UMAD1: variants seen among roughly 807,000 people sequenced by gnomAD.
UMAD1 encodes UBAP1-MVB12-associated (UMA) domain containing 1.
A neutral mutation model predicts 6.1 loss-of-function variants in UMAD1; 8 were observed. That is an observed-to-expected ratio of 1.30 (90% confidence interval 0.76 to 2.35). The LOEUF is 2.35. Ranked by LOEUF, UMAD1 falls within the 30% of genes most tolerant of loss-of-function variation. The probability of loss-of-function intolerance (pLI) is 0.00; values close to 1 mark genes in which losing one functional copy is unlikely to be tolerated. For missense variants in UMAD1, 130 were observed against 78.4 expected, an observed-to-expected ratio of 1.66 and a Z score of -2.49; for synonymous variants, 56 against 31.4, an observed-to-expected ratio of 1.78 and a Z score of -2.61.
chr7:7,797,377 G>C (rs987068209), intron 2 of UMAD1, among the ~76,000 whole-genome samples: 1 of 152,160 alleles, frequency 6.6e-6, no homozygotes, highest in African/African-American at 2.4e-5. Context: ...ATACCACTCA[G>C]TGTATTGACT....
At chr7:7,721,253 A>G (rs573170742) in intron 2 of UMAD1, among the ~76,000 whole-genome samples, 111 of 152,332 alleles carry the variant, frequency 7.3e-4, no homozygotes, top group African/African-American at 2.3e-3. Flanking sequence ...CCATTTTGCT[A>G]TGGCAGCTTT....
At chr7:7,853,142 A>G (rs1051189478) in intron 3 of UMAD1, among the ~76,000 whole-genome samples, 14 of 152,184 alleles carry the variant, frequency 9.2e-5, no homozygotes, top group African/African-American at 3.1e-4. Flanking sequence ...GTATATATGT[A>G]TATCATAATA....
At chr7:7,649,687 T>G (rs10253494) in intron 1 of UMAD1, among the ~76,000 whole-genome samples, 53,565 of 133,544 alleles carry the variant, frequency 0.4, 11,967 homozygotes, top group African/African-American at 0.65. Context: ...TTCTTGTTGG[T>G]GGGGGGGCCC....
intron 2 of UMAD1, among the ~76,000 whole-genome samples, chr7:7,743,377 A>G (rs1395175546): frequency 6.6e-6 from 1 of 152,196 alleles, no homozygotes; most frequent in Non-Finnish European, 1.5e-5. Flanking sequence ...ATTAACAAAC[A>G]TCATTTGTCA....
chr7:7,807,975 C>T lies in UMAD1; in HGVS notation c.156+6232C>T, dbSNP rs960736905. ...TTTAGGAGACACGTCACTGAACTATCTAATCATCAAAATGTGATTTTTACT... is the reference window on the plus strand; with the variant it reads ...TTTAGGAGACACGTCACTGAACTATTTAATCATCAAAATGTGATTTTTACT... On this transcript the variant is annotated intron_variant, in intron 3 of 3. Coordinates refer to ENST00000682710, the MANE Select transcript of UMAD1 (RefSeq NM_001302348.2). Among the ~76,000 whole-genome samples the T allele has an allele frequency of 2.0e-5, 3 of 152,016 alleles. No homozygotes were observed. The South Asian group carries it at 6.2e-4, about 31-fold the overall frequency.
At chr7:7,707,112 C>G (rs970953865) in intron 2 of UMAD1, among the ~76,000 whole-genome samples, 3 of 152,030 alleles carry the variant, frequency 2.0e-5, no homozygotes, top group African/African-American at 7.2e-5. Flanking sequence ...ACTACCATTC[C>G]CTGGTTGGTA....
intron 3 of UMAD1, among the ~76,000 whole-genome samples, chr7:7,818,333 A>G (rs898250113): frequency 3.3e-5 from 5 of 152,278 alleles, no homozygotes; most frequent in South Asian, 2.1e-4. Flanking sequence ...TTATGGCTAC[A>G]TAGTATTCCA....
At chr7:7,643,605 G>C (rs976870585) in intron 1 of UMAD1, among the ~76,000 whole-genome samples, 7 of 152,024 alleles carry the variant, frequency 4.6e-5, no homozygotes, top group African/African-American at 1.7e-4. Context: ...CCAGCTACTC[G>C]GGAGGCTGAG....
intron 2 of UMAD1, among the ~76,000 whole-genome samples, chr7:7,750,813 G>T (rs748146154): frequency 5.3e-5 from 8 of 152,190 alleles, no homozygotes; most frequent in Admixed American, 3.3e-4. Flanking sequence ...GCTCTTAACT[G>T]TATGTATTTT....
At chr7:7,761,266 G>A (rs1461944664) in intron 2 of UMAD1, among the ~76,000 whole-genome samples, 1 of 150,002 alleles carries the variant, frequency 6.7e-6, no homozygotes, top group Non-Finnish European at 1.5e-5. Context: ...TCGGGAGGCT[G>A]ATTTAGGAGA....
rs929835852 is a variant in UMAD1, at chr7:7,659,469, G to A, written c.-63-13840G>A. Among the ~76,000 whole-genome samples the A allele has an allele frequency of 3.3e-5, 5 of 152,140 alleles. 1 individual carries two copies. Among genetic ancestry groups the A allele is most frequent in the African/African-American group, 1.2e-4 (5 of 41,420 alleles). On this transcript the variant is annotated intron_variant, in intron 1 of 3. Transcript: ENST00000682710. ...TGCTATAAATTTTCCTCTAAACACTGCTTTAGATGTGTCCCAGGGATTCTG... is the reference window on the plus strand; with the variant it reads ...TGCTATAAATTTTCCTCTAAACACTACTTTAGATGTGTCCCAGGGATTCTG...
At chr7:7,827,551 A>G (rs898700655) in intron 3 of UMAD1, among the ~76,000 whole-genome samples, 18 of 152,212 alleles carry the variant, frequency 1.2e-4, no homozygotes, top group African/African-American at 4.1e-4. Flanking sequence ...TTTTATGCCA[A>G]TATCATATAC....
chr7:7,701,215 A>T (rs1243359027), intron 2 of UMAD1, among the ~76,000 whole-genome samples: 1 of 151,864 alleles, frequency 6.6e-6, no homozygotes, highest in Non-Finnish European at 1.5e-5. Flanking sequence ...TTAAGGAATG[A>T]ACTGTATCAT....
At chr7:7,810,795 A>G (rs1391470904) in intron 3 of UMAD1, among the ~76,000 whole-genome samples, 1 of 152,212 alleles carries the variant, frequency 6.6e-6, no homozygotes, top group Non-Finnish European at 1.5e-5. Context: ...AAATAGTGAA[A>G]CAGTCGGTCT....
intron 2 of UMAD1, among the ~76,000 whole-genome samples, chr7:7,756,691 A>G (rs571710726): frequency 2.0e-5 from 3 of 152,252 alleles, no homozygotes; most frequent in Admixed American, 6.5e-5. Context: ...AAGTTTCTCA[A>G]TCTGTTTCCC....
chr7:7,801,815 T>C, intron 3 of UMAD1, 72 bp downstream of exon 3: 1 of 702,986 alleles, frequency 1.4e-6, no homozygotes, highest in South Asian at 1.6e-5. Context: ...CCTCCGAGGA[T>C]AAATAGTAAC....
chr7:7,684,592 T>C (rs1161530246), intron 2 of UMAD1, among the ~76,000 whole-genome samples: 1 of 152,202 alleles, frequency 6.6e-6, no homozygotes, highest in Non-Finnish European at 1.5e-5. Flanking sequence ...TACGGAGGGC[T>C]GACAGTTTTT....
chr7:7,642,826 C>G (rs1785005019), intron 1 of UMAD1, among the ~76,000 whole-genome samples: 3 of 152,152 alleles, frequency 2.0e-5, no homozygotes, highest in Non-Finnish European at 4.4e-5. Flanking sequence ...TAAACACTAT[C>G]TTGAAATTTG....
chr7:7,717,359 C>T lies in UMAD1; in HGVS notation c.82+43906C>T, dbSNP rs539507623. Among the ~76,000 whole-genome samples the T allele has an allele frequency of 1.9e-4, 29 of 152,250 alleles. 1 individual carries two copies. The highest frequency in any genetic ancestry group is 1.7e-3 in the Admixed American group (26 of 15,290). On this transcript the variant is annotated intron_variant, in intron 2 of 3. Coordinates refer to ENST00000682710, the MANE Select transcript of UMAD1 (RefSeq NM_001302348.2). ...GGCATAAGCCACCTCGCCCAGCCTCCTGTTTCTTTCATCTATTAAAACTCC... is the reference window on the plus strand; with the variant it reads ...GGCATAAGCCACCTCGCCCAGCCTCTTGTTTCTTTCATCTATTAAAACTCC...
Sources: gnomAD v4.1 joint callset for allele counts (sites outside exome capture counted in the v4.1 genomes callset) on GRCh38, gnomAD v4.1.1 for gene constraint, MANE v1.5 for transcripts, NCBI Gene and HGNC (gene_info 2026-07-23, HGNC 2026-07-21) for gene names.